Variants in MTREX observed in about 807,000 individuals in gnomAD.
MTREX encodes Mtr4 exosome RNA helicase.
In MTREX, 76 loss-of-function variants were observed where a neutral mutation model predicts 135.4. The observed-to-expected ratio is 0.56, with a 90% CI of 0.47 to 0.68. The LOEUF (loss-of-function observed/expected upper bound fraction) is 0.68, where lower values mean the gene tolerates loss of function less well. MTREX is among the 30% of genes least tolerant of loss of function. The pLI, the probability that MTREX is intolerant of heterozygous loss-of-function variation, is 0.00. For missense variants in MTREX, 920 were observed against 1,262.1 expected, an observed-to-expected ratio of 0.73 and a Z score of 4.11; for synonymous variants, 404 against 401.6, an observed-to-expected ratio of 1.01 and a Z score of -0.07.
At chr5:55,404,263 TG>T (rs1172290450) in intron 21 of MTREX, among the ~76,000 whole-genome samples, 2 of 152,226 alleles carry the variant, frequency 1.3e-5, no homozygotes, top group African/African-American at 4.8e-5. Context: ...CATTGTTTTT[TG>T]TTCTTGTACT....
At chr5:55,360,765 C>A (rs1579869547) in intron 15 of MTREX, among the ~76,000 whole-genome samples, 1 of 152,104 alleles carries the variant, frequency 6.6e-6, no homozygotes, top group East Asian at 1.9e-4. Context: ...GGCATACAAC[C>A]TTTTTCCTCT....
intron 18 of MTREX, 92 bp from the exon 19 acceptor site, chr5:55,387,882 A>G (rs907518024): frequency 2.1e-4 from 270 of 1,256,582 alleles, no homozygotes; most frequent in Non-Finnish European, 2.8e-4. Flanking sequence ...ATAATGCTAA[A>G]TGCTGAGAAA....
Position 55,379,176 on chromosome 5 carries a change from C to CA in MTREX, c.2039dup (p.Ser681ValfsTer4), listed in dbSNP as rs1351105989. The CA allele has an allele frequency of 1.3e-6, 2 of 1,596,474 alleles. No individual in the cohort carries two copies. Among genetic ancestry groups the CA allele is most frequent in the South Asian group, 1.1e-5 (1 of 90,572 alleles). On this transcript the variant is annotated frameshift_variant, in exon 18 of 27. Transcript: ENST00000230640. LOFTEE classifies it high-confidence loss of function. Reference sequence around the variant, plus strand: ...GGCTGGGGAGTAGTGGTGAATTTCTCAAAAAAGTCAAATGTTAAGGTAAAC... The same window carrying CA: ...GGCTGGGGAGTAGTGGTGAATTTCTCAAAAAAAGTCAAATGTTAAGGTAAAC...
intron 21 of MTREX, among the ~76,000 whole-genome samples, chr5:55,404,192 C>T (rs144833610): frequency 1.3e-3 from 204 of 152,272 alleles, no homozygotes; most frequent in African/African-American, 4.7e-3. Context: ...CCATTATCTT[C>T]GGATTTCAAC....
intron 14 of MTREX, among the ~76,000 whole-genome samples, chr5:55,354,042 G>A (rs1211348921): frequency 6.6e-6 from 1 of 152,186 alleles, no homozygotes; most frequent in African/African-American, 2.4e-5. Flanking sequence ...ACAATGAACT[G>A]GGGTAAAAAG....
intron 1 of MTREX, 25 bp downstream of exon 1, chr5:55,308,172 CTTTTATTT>C: frequency 6.4e-7 from 1 of 1,554,846 alleles, no homozygotes; most frequent in Non-Finnish European, 8.7e-7. Context: ...CCAGTTGTTG[CTTTTATTT>C]TTTTTCTCGG....
At chr5:55,361,392 T>G (rs1420398981) in intron 15 of MTREX, among the ~76,000 whole-genome samples, 2 of 152,216 alleles carry the variant, frequency 1.3e-5, no homozygotes, top group Non-Finnish European at 2.9e-5. Context: ...ATACATGTGT[T>G]TGTTGCTGGT....
intron 16 of MTREX, among the ~76,000 whole-genome samples, chr5:55,368,197 C>A (rs1192639506): frequency 6.6e-6 from 1 of 152,168 alleles, no homozygotes; most frequent in Non-Finnish European, 1.5e-5. Flanking sequence ...CACCTGTAAT[C>A]CTAGCACTTT....
intron 5 of MTREX, among the ~76,000 whole-genome samples, chr5:55,334,487 A>G (rs1749523004): frequency 6.6e-6 from 1 of 152,064 alleles, no homozygotes; most frequent in Non-Finnish European, 1.5e-5. Context: ...TTTTATTTAT[A>G]AACCTGGTAC....
intron 19 of MTREX, among the ~76,000 whole-genome samples, chr5:55,388,645 AGTTATGTTTGG>A (rs1291644026): frequency 6.6e-6 from 1 of 152,178 alleles, no homozygotes; most frequent in Non-Finnish European, 1.5e-5. Context: ...AACTACACCA[AGTTATGTTTGG>A]TACATTAGGT....
rs373279201 is a variant in MTREX at position 55,387,947 on chromosome 5, A to G, written c.2053-27A>G. On this transcript the variant is annotated intron_variant, in intron 18 of 26. Transcript: ENST00000230640. The stretch of plus-strand genomic sequence containing the variant: ...TTATGGGCCAGTTTCTTAAGAATGA[A>G]TGAACATCTTCTGTTTTGTTTTTTA... 5.1e-6 allele frequency: 8 copies of G among 1,554,614 alleles called. No individual in the cohort carries two copies. The African/African-American group carries it at 9.5e-5, about 18-fold the overall frequency.
At chr5:55,404,142 T>A (rs968458428) in intron 21 of MTREX, among the ~76,000 whole-genome samples, 2 of 152,224 alleles carry the variant, frequency 1.3e-5, no homozygotes, top group Non-Finnish European at 2.9e-5. Context: ...TTCATAATTT[T>A]TCCTCCTTAG....
At chr5:55,310,712 C>T (rs1238139455) in intron 1 of MTREX, among the ~76,000 whole-genome samples, 1 of 152,158 alleles carries the variant, frequency 6.6e-6, no homozygotes, top group African/African-American at 2.4e-5. Context: ...GAGGGCAAAT[C>T]ATGGAACTTC....
rs1750930504 is a variant in MTREX, at chr5:55,414,222, C to G, written c.2792C>G (p.Pro931Arg). Residue 931 changes from proline to arginine, a missense_variant, in exon 24 of 27, where the codon CCA (proline) becomes CGA (arginine). Pro to Arg is a moderately radical substitution (Grantham distance 103). Around this residue, in one of 6 missense-constraint regions of MTREX, gnomAD observed 467 missense variants for 589.7 expected, o/e 0.79. Transcript: ENST00000230640. ...MPKLTEQLAG[P>R]LRQMQECAKR... The stretch of plus-strand genomic sequence containing the variant: ...AAATTAACAGAACAATTAGCAGGAC[C>G]ACTTCGTCAAATGCAGGTAAGGTTT... 6.4e-7 allele frequency: 1 copy of G among 1,565,050 alleles called. No homozygotes were observed. The highest frequency in any genetic ancestry group is 2.1e-5 in the Admixed American group (1 of 47,922).
chr5:55,405,402 CT>C lies in MTREX; in HGVS notation c.2482-20del, dbSNP rs1005282562. 3 of 1,587,392 alleles carry C rather than the reference CT, an allele frequency of 1.9e-6. No homozygotes were observed. The African/African-American group carries it at 4.0e-5, about 21-fold the overall frequency. ...ATTGTTCACTTTATTATTGAACTTT[CT>C]TTATACTTTCATGTGCTTTAGATTG... On this transcript the variant is annotated intron_variant, in intron 21 of 26. Coordinates refer to ENST00000230640, the MANE Select transcript of MTREX (RefSeq NM_015360.5).
At chr5:55,424,688 G>C (rs963016117) in intron 26 of MTREX, 32 bp from the exon 27 acceptor site, 4 of 1,560,420 alleles carry the variant, frequency 2.6e-6, no homozygotes, top group African/African-American at 2.7e-5. Context: ...TTGTGGTCTT[G>C]AAAGTTTAAA....
At chr5:55,353,302 T>C in intron 14 of MTREX, 33 bp downstream of exon 14, 1 of 1,420,672 alleles carries the variant, frequency 7.0e-7, no homozygotes, top group South Asian at 1.2e-5. Flanking sequence ...CAAAATAATT[T>C]TTGTCTTTGT....
At chr5:55,378,682 G>GT (rs1750346227) in intron 17 of MTREX, among the ~76,000 whole-genome samples, 196 bp downstream of exon 17, 1 of 151,972 alleles carries the variant, frequency 6.6e-6, no homozygotes. Context: ...ATCACCACTG[G>GT]TTTTTGTTTT....
chr5:55,376,307 C>A (rs1013617633), intron 16 of MTREX, among the ~76,000 whole-genome samples: 1 of 152,220 alleles, frequency 6.6e-6, no homozygotes, highest in South Asian at 2.1e-4. Context: ...GTATTCCAAT[C>A]GCACTGCATT....
Sources: allele counts gnomAD v4.1 joint callset (sites outside exome capture counted in the v4.1 genomes callset), GRCh38; gene constraint gnomAD v4.1.1; regional missense constraint gnomAD v4.1.1; transcripts MANE v1.5; gene names NCBI Gene and HGNC (gene_info 2026-07-23, HGNC 2026-07-21).